Variants in FADS2 observed in about 807,000 individuals in gnomAD.
FADS2 encodes the protein acyl-CoA 6-desaturase.
In FADS2, 18 loss-of-function variants were observed where a neutral mutation model predicts 61.2. The observed-to-expected ratio is 0.29, with a 90% CI of 0.20 to 0.44. The LOEUF is 0.44. FADS2 is among the 20% of genes least tolerant of loss of function. FADS2 has a pLI of 1.00. For missense variants in FADS2, 322 were observed against 572.7 expected (o/e 0.56, Z 4.47); for synonymous variants, 203 against 223.9 (o/e 0.91, Z 0.83).
chr11:61,830,722 A>C (rs2067121711), intron 1 of FADS2, among the ~76,000 whole-genome samples: 1 of 152,194 alleles, frequency 6.6e-6, no homozygotes, highest in South Asian at 2.1e-4. Flanking sequence ...CTCATCCACT[A>C]AGTGTTGTCA....
chr11:61,858,667 C>G (rs913577835), intron 7 of FADS2, among the ~76,000 whole-genome samples: 2 of 151,774 alleles, frequency 1.3e-5, no homozygotes, highest in Non-Finnish European at 2.9e-5. Context: ...CTCACTGCAA[C>G]CTCCGCCTCC....
intron 7 of FADS2, among the ~76,000 whole-genome samples, chr11:61,859,347 G>A (rs1417199665): frequency 2.0e-5 from 3 of 152,154 alleles, no homozygotes; most frequent in East Asian, 1.9e-4. Flanking sequence ...GTGAGCCACC[G>A]CGCCCGGCCT....
intron 1 of FADS2, chr11:61,821,453 T>G: frequency 1.4e-6 from 1 of 701,354 alleles, no homozygotes; most frequent in Non-Finnish European, 2.6e-6. Flanking sequence ...CAGTGGCTGT[T>G]GGAATAACCT....
Position 61,828,473 on chromosome 11 carries a change from A to C in FADS2, c.83A>C (p.Lys28Thr). 6.2e-7 allele frequency: 1 copy of C among 1,610,312 alleles called. No homozygotes were observed. The highest frequency in any genetic ancestry group is 1.1e-5 in the South Asian group (1 of 90,156). ...ACCTTCAGCTGGGAGGAGATTCAGA[A>C]GCATAACCTGCGCACCGACAGGTGG... ...VPTFSWEEIQ[K>T]HNLRTDRWLV... Residue 28 changes from lysine to threonine, a missense_variant, in exon 1 of 12, where the codon AAG becomes ACG. Physicochemically the swap from Lys to Thr is moderately conservative, Grantham distance 78 (BLOSUM62 -1). Coordinates refer to ENST00000278840, the MANE Select transcript of FADS2 (RefSeq NM_004265.4). This position sits in a 1 kb window ranked among gnomAD's most constrained non-coding sequence, Gnocchi z 6.4.
Position 61,816,530 on chromosome 11 carries a change from T to G in FADS2, c.141+104T>G. 6.3e-7 allele frequency: 1 copy of G among 1,597,252 alleles called. No individual in the cohort carries two copies. The highest frequency in any genetic ancestry group is 8.5e-7 in the Non-Finnish European group (1 of 1,173,550). ...CTCAGCCTCCGGTCCCGCCCTCTCC[T>G]GTGCCCCCGCCTGGCTGCGCTCACC... On this transcript the variant is annotated intron_variant, in intron 1 of 11. Transcript: ENST00000257261. This position sits in a 1 kb window ranked among gnomAD's most constrained non-coding sequence, Gnocchi z 7.0.
chr11:61,826,609 T>C (rs1270874178), upstream of FADS2: 2 of 579,048 alleles, frequency 3.5e-6, no homozygotes, highest in African/African-American at 3.7e-5. Context: ...CTTCATCCTC[T>C]TATTTTGTAC....
At position 61,863,087 on chromosome 11, in the gene FADS2, A is replaced by AT. The variant is rs763911009; in HGVS notation, c.980+20dup. 6.2e-6 allele frequency: 10 copies of AT among 1,605,362 alleles called. No individual in the cohort carries two copies. Among genetic ancestry groups the AT allele is most frequent in the Non-Finnish European group, 8.5e-6 (10 of 1,172,034 alleles). On this transcript the variant is annotated intron_variant, in intron 8 of 11. Coordinates refer to ENST00000278840, the MANE Select transcript of FADS2 (RefSeq NM_004265.4). ...TTCATCAGGTGCCTGGGCTTTGCTG[A>AT]TTCATCCCTGGGCCCTCCACTGGCA... is the stretch of plus-strand genomic sequence containing the variant.
At chr11:61,831,236 T>C (rs2067126068) in intron 1 of FADS2, among the ~76,000 whole-genome samples, 1 of 152,114 alleles carries the variant, frequency 6.6e-6, no homozygotes, top group Non-Finnish European at 1.5e-5. Flanking sequence ...CCTAGGCTGT[T>C]GAGCAAGTGG....
chr11:61,836,569 A>C (rs1024943409), intron 1 of FADS2, among the ~76,000 whole-genome samples: 1 of 151,510 alleles, frequency 6.6e-6, no homozygotes, highest in Non-Finnish European at 1.5e-5. Flanking sequence ...GGGTCTTGCT[A>C]TGTTACTCAG....
intron 9 of FADS2, 103 bp from the exon 10 acceptor site, chr11:61,863,604 G>T: frequency 1.0e-6 from 1 of 979,874 alleles, no homozygotes; most frequent in South Asian, 1.4e-5. Flanking sequence ...GTATGATGTG[G>T]ACGGGTGGCC....
intron 1 of FADS2, chr11:61,817,175 A>G (rs964979796): frequency 1.9e-5 from 3 of 161,368 alleles, no homozygotes; most frequent in Non-Finnish European, 2.3e-5. Context: ...CTGAGGGGCC[A>G]GGGCTGCGGG....
chr11:61,846,369 A>G (rs12284876), intron 4 of FADS2, among the ~76,000 whole-genome samples: 16,814 of 150,498 alleles, frequency 0.11, 1,765 homozygotes, highest in African/African-American at 0.27. Flanking sequence ...CACACGCTTC[A>G]GCCTCCCAAA....
intron 1 of FADS2, among the ~76,000 whole-genome samples, chr11:61,818,341 G>A (rs1331158272): frequency 6.6e-6 from 1 of 152,186 alleles, no homozygotes; most frequent in East Asian, 1.9e-4. Context: ...ACCCTGCTCA[G>A]GAATGATGGT....
At chr11:61,852,284 A>G (rs921378241) in intron 5 of FADS2, among the ~76,000 whole-genome samples, 17 of 152,038 alleles carry the variant, frequency 1.1e-4, no homozygotes, top group Non-Finnish European at 1.9e-4. Context: ...TTTTTGAGAC[A>G]AGGTCATGCT....
At chr11:61,826,242 A>G, upstream of FADS2, 5 of 702,284 alleles carry the variant, frequency 7.1e-6, no homozygotes, top group Non-Finnish European at 1.3e-5. Flanking sequence ...AACTTCATTC[A>G]TTCATTTGTG....
At chr11:61,816,251 C>G, upstream of FADS2, 2 of 1,597,180 alleles carry the variant, frequency 1.3e-6, no homozygotes, top group Middle Eastern at 1.7e-4. This position sits in a 1 kb window ranked among gnomAD's most constrained non-coding sequence, Gnocchi z 7.0. Flanking sequence ...GTTCTGTCCC[C>G]GCCCAGAGAC....
chr11:61,866,015 G>C lies in FADS2; in HGVS notation c.*326G>C. 2.2e-6 allele frequency: 1 copy of C among 464,328 alleles called. No individual in the cohort carries two copies. Among genetic ancestry groups the C allele is most frequent in the Non-Finnish European group, 3.8e-6 (1 of 261,794 alleles). 28.8% of individuals were successfully genotyped at this position (464,328 alleles called of 1,614,324 possible). Reference sequence around the variant, plus strand: ...CTCCACTCTCTGCCCCTAAAGATGGGAGGAGACCAGCGGTCCATGGGTCTG... The same window carrying C: ...CTCCACTCTCTGCCCCTAAAGATGGCAGGAGACCAGCGGTCCATGGGTCTG... On this transcript the variant is annotated 3_prime_UTR_variant, in exon 12 of 12. Transcript: ENST00000278840.
intron 3 of FADS2, 24 bp downstream of exon 3, chr11:61,840,555 C>A (rs761046306): frequency 1.5e-5 from 24 of 1,613,626 alleles, no homozygotes; most frequent in Non-Finnish European, 1.9e-5. Flanking sequence ...CCCTCACTTC[C>A]CCTAGCTGAC....
At chr11:61,834,888 G>T (rs2067158276) in intron 1 of FADS2, among the ~76,000 whole-genome samples, 1 of 151,724 alleles carries the variant, frequency 6.6e-6, no homozygotes, top group South Asian at 2.1e-4. Context: ...AGGCTCTGGT[G>T]GGGACTGATC....
Sources: allele counts gnomAD v4.1 joint callset (sites outside exome capture counted in the v4.1 genomes callset), GRCh38; gene constraint gnomAD v4.1.1; non-coding constraint Gnocchi (gnomAD v3.1); transcripts MANE v1.5; gene names NCBI Gene and HGNC (gene_info 2026-07-23, HGNC 2026-07-21).